The following CADPS variants were observed in gnomAD, a reference collection of about 807,000 sequenced individuals.
CADPS encodes calcium dependent secretion activator.
A neutral mutation model predicts 167.3 loss-of-function variants in CADPS; 57 were observed. The ratio of observed to expected loss-of-function variants is 0.34; its 90% CI spans 0.28 to 0.42. The LOEUF (loss-of-function observed/expected upper bound fraction) is 0.42, where lower values mean the gene tolerates loss of function less well. Ranked by LOEUF, CADPS falls within the 20% of genes least tolerant of loss-of-function variation. CADPS has a pLI of 1.00. For missense variants in CADPS, 1,414 were observed against 1,738.1 expected, an observed-to-expected ratio of 0.81 and a Z score of 3.32; for synonymous variants, 676 against 635.3, an observed-to-expected ratio of 1.06 and a Z score of -0.96.
intron 1 of CADPS, among the ~76,000 whole-genome samples, chr3:62,824,968 C>T (rs1014100328): frequency 6.6e-6 from 1 of 152,130 alleles, no homozygotes; most frequent in Non-Finnish European, 1.5e-5. Flanking sequence ...CCAACACACA[C>T]ATACACAGGC....
At chr3:62,553,950 G>A (rs767072248) in intron 10 of CADPS, among the ~76,000 whole-genome samples, 1 of 152,170 alleles carries the variant, frequency 6.6e-6, no homozygotes, top group Non-Finnish European at 1.5e-5. Context: ...AAAAAGACAC[G>A]TCTGGGAATA....
chr3:62,454,632 G>A (rs1014282017), intron 26 of CADPS, among the ~76,000 whole-genome samples: 10 of 152,062 alleles, frequency 6.6e-5, no homozygotes, highest in African/African-American at 2.4e-4. Flanking sequence ...TTAACTGACC[G>A]CAAATAAGAC....
At chr3:62,482,916 T>A (rs1000845049) in intron 21 of CADPS, among the ~76,000 whole-genome samples, 1 of 152,180 alleles carries the variant, frequency 6.6e-6, no homozygotes, top group South Asian at 2.1e-4. Context: ...ACTGACGTGA[T>A]GGAAGAGAGA....
At chr3:62,796,838 T>A (rs1434163101) in intron 1 of CADPS, among the ~76,000 whole-genome samples, 1 of 152,158 alleles carries the variant, frequency 6.6e-6, no homozygotes, top group East Asian at 1.9e-4. Flanking sequence ...AATGTTGGAA[T>A]CAAAAAATGT....
chr3:62,710,883 G>A (rs550790855), intron 3 of CADPS, among the ~76,000 whole-genome samples: 3 of 152,208 alleles, frequency 2.0e-5, no homozygotes, highest in South Asian at 2.1e-4. Context: ...CCTCCTCCCC[G>A]TGCTTATCAT....
chr3:62,848,583 T>C (rs1472035820), intron 1 of CADPS, among the ~76,000 whole-genome samples: 3 of 136,040 alleles, frequency 2.2e-5, no homozygotes, highest in Non-Finnish European at 4.8e-5. Context: ...AAAGATCAGA[T>C]AGTTGTAGGT....
At chr3:62,547,987 A>G (rs2076770223) in intron 11 of CADPS, among the ~76,000 whole-genome samples, 1 of 152,202 alleles carries the variant, frequency 6.6e-6, no homozygotes, top group Non-Finnish European at 1.5e-5. Flanking sequence ...ACTGAATGTA[A>G]GGTGAAATGA....
chr3:62,644,790 C>T (rs7619205), intron 6 of CADPS, among the ~76,000 whole-genome samples: 2,779 of 152,296 alleles, frequency 0.018, 101 homozygotes, highest in African/African-American at 0.062. Flanking sequence ...CTCATATGTC[C>T]TAAGGAAGGC....
rs1561169146 is a variant in CADPS, at chr3:62,491,557, A to AC, written c.2885-78_2885-77insG. On this transcript the variant is annotated intron_variant, in intron 20 of 29. Coordinates refer to ENST00000383710, the MANE Select transcript of CADPS (RefSeq NM_003716.4). ...GTACAACACACACACACACACACAC[A>AC]AACACACACACACACACACACACAC... 6.8e-3 allele frequency: 6,183 copies of AC among 910,112 alleles called. 99 individuals carry two copies. The African/African-American group carries it at 0.072, about 11-fold the overall frequency. The allele number at this position is 910,112 out of a possible 1,614,324, so 56.4% of individuals were successfully genotyped here.
At chr3:62,525,006 G>A (rs997993691) in intron 13 of CADPS, among the ~76,000 whole-genome samples, 5 of 152,134 alleles carry the variant, frequency 3.3e-5, no homozygotes, top group Non-Finnish European at 5.9e-5. Context: ...AGTAGTATGT[G>A]TGGCTTTTTG....
At chr3:62,611,829 T>C (rs568540069) in intron 6 of CADPS, among the ~76,000 whole-genome samples, 1 of 152,320 alleles carries the variant, frequency 6.6e-6, no homozygotes, top group East Asian at 1.9e-4. Context: ...CAGGATGATC[T>C]AGGAAGGCAA....
intron 9 of CADPS, among the ~76,000 whole-genome samples, chr3:62,561,982 T>C (rs557746164): frequency 6.6e-6 from 1 of 152,336 alleles, no homozygotes; most frequent in South Asian, 2.1e-4. Context: ...ACTATAAACA[T>C]GCAAAAAACC....
At chr3:62,822,381 A>C (rs2073140513) in intron 1 of CADPS, among the ~76,000 whole-genome samples, 1 of 152,194 alleles carries the variant, frequency 6.6e-6, no homozygotes, top group South Asian at 2.1e-4. Flanking sequence ...GTAGAGAATA[A>C]ATGCATGTTA....
chr3:62,720,298 T>C (rs1001618943), intron 3 of CADPS, among the ~76,000 whole-genome samples: 6 of 151,990 alleles, frequency 3.9e-5, no homozygotes, highest in African/African-American at 1.4e-4. Flanking sequence ...AATGCAGGAA[T>C]GGTATCAGGG....
chr3:62,839,159 A>G (rs2076292690), intron 1 of CADPS, among the ~76,000 whole-genome samples: 2 of 152,122 alleles, frequency 1.3e-5, no homozygotes, highest in Non-Finnish European at 2.9e-5. Flanking sequence ...CTTTGCTTTA[A>G]GTTGTATTTC....
At chr3:62,605,253 A>AC (rs1553982042) in intron 6 of CADPS, among the ~76,000 whole-genome samples, 5,491 of 82,342 alleles carry the variant, frequency 0.067, 204 homozygotes, top group African/African-American at 0.16. Context: ...GGAAAAACAA[A>AC]AAAAAAAAAA....
chr3:62,423,150 TG>T (rs1248897861), intron 28 of CADPS, among the ~76,000 whole-genome samples: 1 of 152,210 alleles, frequency 6.6e-6, no homozygotes, highest in Admixed American at 6.5e-5. Flanking sequence ...CAGCTGAGGA[TG>T]GGGTATCACC....
chr3:62,652,664 AAG>A (rs1227766695), intron 4 of CADPS, among the ~76,000 whole-genome samples: 2 of 152,058 alleles, frequency 1.3e-5, no homozygotes, highest in Non-Finnish European at 2.9e-5. Context: ...GGTAGAGACA[AAG>A]AGAGAGAAGA....
At chr3:62,487,496 C>T (rs2063021774) in intron 21 of CADPS, among the ~76,000 whole-genome samples, 1 of 152,178 alleles carries the variant, frequency 6.6e-6, no homozygotes, top group Non-Finnish European at 1.5e-5. Context: ...TTATTGACAA[C>T]TTGGGACTGT....
Sources: gnomAD v4.1 joint callset for allele counts (sites outside exome capture counted in the v4.1 genomes callset) on GRCh38, gnomAD v4.1.1 for gene constraint, MANE v1.5 for transcripts, NCBI Gene and HGNC (gene_info 2026-07-23, HGNC 2026-07-21) for gene names.